Variants in SLC26A3 observed in about 807,000 individuals in gnomAD.
SLC26A3 encodes the protein chloride anion exchanger.
In SLC26A3, 64 loss-of-function variants were observed where a neutral mutation model predicts 85.6. That is an observed-to-expected ratio of 0.75 (90% CI 0.61 to 0.92). The LOEUF (loss-of-function observed/expected upper bound fraction) is 0.92. Among genes scored for constraint, SLC26A3 ranks in the 40% least tolerant of loss-of-function variants. The pLI is 0.00. For synonymous variants in SLC26A3, 349 were observed against 336.0 expected, an observed-to-expected ratio of 1.04 and a Z score of -0.42; for missense variants, 922 against 927.3, an observed-to-expected ratio of 0.99 and a Z score of 0.07.
intron 1 of SLC26A3, among the ~76,000 whole-genome samples, chr7:107,797,750 T>TTTTTTTTTA (rs1794534806): frequency 2.0e-5 from 3 of 150,252 alleles, no homozygotes; most frequent in Non-Finnish European, 1.5e-5. Context: ...CTTTTTTTTT[T>TTTTTTTTTA]GAGACGGAGT....
rs149735846 is a variant in SLC26A3, at chr7:107,766,739, G to A, written c.2271+840C>T. On this transcript the variant is annotated intron_variant, in intron 20 of 20. Transcript: ENST00000340010. ...AATTCTTTCTCTGGTCCCTCAATCC[G>A]TTGTCTTTCACTAGAGGATAGAGAT... Among the ~76,000 whole-genome samples, 6 of 152,190 alleles carry A rather than the reference G, an allele frequency of 3.9e-5. No homozygotes were observed. In the East Asian group the frequency reaches 7.7e-4, roughly 20 times the overall value.
intron 5 of SLC26A3, 82 bp from the exon 6 acceptor site, chr7:107,789,770 T>C (rs1794361903): frequency 7.1e-7 from 1 of 1,413,818 alleles, no homozygotes; most frequent in South Asian, 1.2e-5. Flanking sequence ...TGAAATAATA[T>C]TACACAAAAC....
At position 107,782,967 on chromosome 7, in the gene SLC26A3, G is replaced by C; in HGVS notation, c.1233+13C>G. On this transcript the variant is annotated intron_variant, in intron 10 of 20. Transcript: ENST00000340010. ...ACGCTAGGACAGTGCTTGCAGCAAA[G>C]ATCTTGACATACCTGTGTTTTGCCT... is the stretch of plus-strand genomic sequence containing the variant. 1 of 1,613,500 alleles carries C rather than the reference G, an allele frequency of 6.2e-7. No homozygotes were observed. Among genetic ancestry groups the C allele is most frequent in the Non-Finnish European group, 8.5e-7 (1 of 1,179,380 alleles).
At chr7:107,794,663 T>C in intron 1 of SLC26A3, 66 bp from the exon 2 acceptor site, 1 of 792,054 alleles carries the variant, frequency 1.3e-6, no homozygotes. Flanking sequence ...TACAGATGAG[T>C]GAGCTCCGAA....
At chr7:107,778,764 A>G (rs1794170926) in intron 12 of SLC26A3, among the ~76,000 whole-genome samples, 1 of 152,076 alleles carries the variant, frequency 6.6e-6, no homozygotes, top group Non-Finnish European at 1.5e-5. Flanking sequence ...CTGAGGTGGG[A>G]GGATCACTTG....
rs1794466602 is a variant in SLC26A3 at position 107,794,670 on chromosome 7, C to G, written c.-88-73G>C. 4.0e-6 allele frequency: 3 copies of G among 743,512 alleles called. No homozygotes were observed. In the Admixed American group the frequency reaches 6.2e-5, roughly 15 times the overall value. The allele number at this position is 743,512 out of a possible 1,614,324, so 46.1% of individuals were successfully genotyped here. On this transcript the variant is annotated intron_variant, in intron 1 of 20. Transcript: ENST00000340010. Reference sequence around the variant, plus strand: ...ATGCAATTTACAGATGAGTGAGCTCCGAACTGAATGTTACCACCTTTTAAG... The same window carrying G: ...ATGCAATTTACAGATGAGTGAGCTCGGAACTGAATGTTACCACCTTTTAAG...
chr7:107,784,226 A>G (rs537620620), intron 8 of SLC26A3, among the ~76,000 whole-genome samples: 3 of 152,352 alleles, frequency 2.0e-5, no homozygotes, highest in South Asian at 2.1e-4. Context: ...TTGAAGAAGT[A>G]CTATTATATC....
At chr7:107,784,368 A>T (rs1794257691) in intron 8 of SLC26A3, among the ~76,000 whole-genome samples, 1 of 152,202 alleles carries the variant, frequency 6.6e-6, no homozygotes, top group Admixed American at 6.5e-5. Flanking sequence ...CAGTCTAAAG[A>T]CTTGGGTTCA....
chr7:107,782,970 C>T lies in SLC26A3; in HGVS notation c.1233+10G>A. 1 of 1,613,800 alleles carries T rather than the reference C, an allele frequency of 6.2e-7. No homozygotes were observed. Among genetic ancestry groups the T allele is most frequent in the Non-Finnish European group, 8.5e-7 (1 of 1,179,658 alleles). ...CTAGGACAGTGCTTGCAGCAAAGAT[C>T]TTGACATACCTGTGTTTTGCCTCCT... On this transcript the variant is annotated intron_variant, in intron 10 of 20. Transcript: ENST00000340010.
chr7:107,777,539 G>A (rs796843022), intron 13 of SLC26A3, among the ~76,000 whole-genome samples: 2 of 152,188 alleles, frequency 1.3e-5, no homozygotes, highest in African/African-American at 4.8e-5. Flanking sequence ...GCAGTGAGCC[G>A]AGATTACACC....
intron 7 of SLC26A3, 100 bp downstream of exon 7, chr7:107,787,257 G>C: frequency 8.6e-7 from 1 of 1,169,266 alleles, no homozygotes; most frequent in Non-Finnish European, 1.3e-6. Flanking sequence ...TGCAGAGATG[G>C]CCTCTGCCCC....
chr7:107,801,290 G>C (rs1274320059), intron 1 of SLC26A3, among the ~76,000 whole-genome samples: 1 of 152,148 alleles, frequency 6.6e-6, no homozygotes, highest in East Asian at 1.9e-4. Context: ...TCAATGTCAG[G>C]GGTCTCAGCC....
At chr7:107,797,590 C>T (rs146754236) in intron 1 of SLC26A3, among the ~76,000 whole-genome samples, 55 of 152,230 alleles carry the variant, frequency 3.6e-4, no homozygotes, top group African/African-American at 2.9e-4. Context: ...CACCCATCCC[C>T]GCTTCCAAAA....
Position 107,793,856 on chromosome 7 carries a change from T to C in SLC26A3, c.157A>G (p.Ile53Val), listed in dbSNP as rs758202770. The C allele has an allele frequency of 6.2e-7, 1 of 1,613,870 alleles. No individual in the cohort carries two copies. The highest frequency in any genetic ancestry group is 1.7e-5 in the Admixed American group (1 of 60,004). The change falls in exon 3 of 21, where the codon ATT becomes GTT. Residue 53 changes from isoleucine (I) to valine (V), a missense_variant. Coordinates refer to ENST00000340010, the MANE Select transcript of SLC26A3 (RefSeq NM_000111.3). Reference protein sequence around the residue: ...CSCSPQKAKRIVLSLFPIASW... With the variant: ...CSCSPQKAKRVVLSLFPIASW... Reference sequence around the variant, plus strand: ...GCTATGGGGAACAAAGAGAGGACAATTCTCTTGGCCTTTTGTGGGGAACAG... The same window carrying C: ...GCTATGGGGAACAAAGAGAGGACAACTCTCTTGGCCTTTTGTGGGGAACAG...
chr7:107,771,997 G>T, intron 18 of SLC26A3, 57 bp downstream of exon 18: 1 of 1,141,966 alleles, frequency 8.8e-7, no homozygotes, highest in Non-Finnish European at 1.3e-6. Context: ...TAGACTGAGA[G>T]TTGGCAGTGA....
At chr7:107,794,172 G>A (rs1238893314) in intron 2 of SLC26A3, among the ~76,000 whole-genome samples, 3 of 152,022 alleles carry the variant, frequency 2.0e-5, no homozygotes, top group South Asian at 4.1e-4. Flanking sequence ...GTCTGATTTG[G>A]AAAGACCGTG....
At chr7:107,800,108 G>A (rs2283044) in intron 1 of SLC26A3, among the ~76,000 whole-genome samples, 73,809 of 151,968 alleles carry the variant, frequency 0.49, 19,073 homozygotes, top group African/African-American at 0.66. Flanking sequence ...TTCCTAACAC[G>A]CTATGATATT....
chr7:107,802,537 TC>T (rs1047803765), intron 1 of SLC26A3, among the ~76,000 whole-genome samples: 22 of 151,840 alleles, frequency 1.4e-4, no homozygotes, highest in Admixed American at 1.4e-3. Context: ...CCCTACCCCC[TC>T]CCTTTTTTTT....
chr7:107,779,603 T>G, intron 12 of SLC26A3, 65 bp downstream of exon 12: 1 of 1,261,206 alleles, frequency 7.9e-7, no homozygotes. Context: ...AAACATGCAT[T>G]TCACATTAGC....
Sources: allele counts gnomAD v4.1 joint callset (sites outside exome capture counted in the v4.1 genomes callset), GRCh38; gene constraint gnomAD v4.1.1; transcripts MANE v1.5; gene names NCBI Gene and HGNC (gene_info 2026-07-23, HGNC 2026-07-21).